Variants in STRN3 observed in about 807,000 individuals in gnomAD.
STRN3 encodes the protein striatin-3.
STRN3 carries 29 observed loss-of-function variants against 95.6 expected under a neutral mutation model. That is an observed-to-expected ratio of 0.30 (90% CI 0.23 to 0.41). The LOEUF is 0.41. STRN3 is among the 10% of genes least tolerant of loss of function. The pLI, the probability that STRN3 is intolerant of heterozygous loss-of-function variation, is 1.00. For missense variants in STRN3, 890 were observed against 972.1 expected (o/e 0.92, Z 1.12); for synonymous variants, 331 against 357.6 (o/e 0.93, Z 0.84).
At chr14:31,021,649 A>G (rs1032907049) in intron 1 of STRN3, among the ~76,000 whole-genome samples, 4 of 152,248 alleles carry the variant, frequency 2.6e-5, no homozygotes, top group East Asian at 1.9e-4. Context: ...AAGAAAAGTG[A>G]TAAGTGGATG....
intron 1 of STRN3, among the ~76,000 whole-genome samples, chr14:30,978,291 G>T (rs764163157): frequency 2.3e-4 from 35 of 151,928 alleles, no homozygotes; most frequent in South Asian, 4.1e-4. Context: ...AACAAAGTAG[G>T]ATTTATTCCA....
At chr14:30,966,123 A>G (rs555080006) in intron 1 of STRN3, among the ~76,000 whole-genome samples, 3 of 152,042 alleles carry the variant, frequency 2.0e-5, no homozygotes, top group African/African-American at 7.2e-5. Flanking sequence ...TAATTAGCCA[A>G]TCGGAATTAG....
chr14:31,015,662 C>T lies in STRN3; in HGVS notation c.282+10242G>A, dbSNP rs904418862. On this transcript the variant is annotated intron_variant, in intron 1 of 17. Coordinates refer to ENST00000357479, the MANE Select transcript of STRN3 (RefSeq NM_001083893.2). The stretch of plus-strand genomic sequence containing the variant: ...TGCTGGGATTACAGGCATGAGCCAC[C>T]GTGCCCCCAGCCAACACCTTCAATT... Among the ~76,000 whole-genome samples the T allele has an allele frequency of 3.0e-4, 46 of 152,178 alleles. 1 individual carries two copies. Among genetic ancestry groups the T allele is most frequent in the Admixed American group, 2.9e-3 (44 of 15,272 alleles).
intron 1 of STRN3, among the ~76,000 whole-genome samples, chr14:30,983,178 T>C (rs896584562): frequency 2.0e-5 from 3 of 152,170 alleles, no homozygotes; most frequent in Admixed American, 1.3e-4. Context: ...GAAATGACCA[T>C]ATGTGTGCAA....
chr14:31,025,689 C>T, intron 1 of STRN3: 2 of 716,802 alleles, frequency 2.8e-6, no homozygotes, highest in South Asian at 1.9e-5. Flanking sequence ...GCCCGCACCG[C>T]GTAGCCAGTG....
chr14:30,970,787 T>C (rs1326527090), intron 1 of STRN3, among the ~76,000 whole-genome samples: 1 of 152,244 alleles, frequency 6.6e-6, no homozygotes, highest in Non-Finnish European at 1.5e-5. Flanking sequence ...AAGATGTAAA[T>C]GCCTGGTTGG....
intron 12 of STRN3, 151 bp from the exon 13 acceptor site, chr14:30,911,313 TTTTG>T (rs1896603192): frequency 1.1e-6 from 1 of 891,584 alleles, no homozygotes; most frequent in Non-Finnish European, 1.6e-6. Context: ...TTTTTTTTTT[TTTTG>T]GAGACAGGGT....
chr14:30,944,553 G>GTATATA (rs58426505), intron 5 of STRN3, among the ~76,000 whole-genome samples: 9 of 65,874 alleles, frequency 1.4e-4, no homozygotes, highest in African/African-American at 4.0e-4. Flanking sequence ...ATATATACAC[G>GTATATA]TATATATATA....
chr14:30,954,471 G>A (rs1366200747), intron 3 of STRN3, among the ~76,000 whole-genome samples: 6 of 151,994 alleles, frequency 3.9e-5, no homozygotes, highest in African/African-American at 1.5e-4. Flanking sequence ...TATATACTCT[G>A]ACATAAATAA....
intron 7 of STRN3, among the ~76,000 whole-genome samples, chr14:30,929,968 A>AAAAAAAACT (rs1878437721): frequency 8.2e-6 from 1 of 121,838 alleles, no homozygotes; most frequent in African/African-American, 2.8e-5. Context: ...AAAAAAAAAA[A>AAAAAAAACT]AAAAAAAAAA....
chr14:30,998,436 A>G (rs1324346431), intron 1 of STRN3, among the ~76,000 whole-genome samples: 1 of 152,212 alleles, frequency 6.6e-6, no homozygotes, highest in East Asian at 1.9e-4. Context: ...AGAAGGCCAT[A>G]CTCATGTAGC....
chr14:30,957,040 C>G (rs1455065354), intron 1 of STRN3, among the ~76,000 whole-genome samples: 1 of 152,102 alleles, frequency 6.6e-6, no homozygotes, highest in Non-Finnish European at 1.5e-5. Flanking sequence ...TGCCTGTAAT[C>G]CCAGCTACCC....
At chr14:30,951,435 T>A (rs2139127910) in intron 3 of STRN3, among the ~76,000 whole-genome samples, 1 of 152,218 alleles carries the variant, frequency 6.6e-6, no homozygotes, top group African/African-American at 2.4e-5. Context: ...TTTTGCCATA[T>A]TGCCCAATCT....
At chr14:30,978,219 A>G (rs1881209979) in intron 1 of STRN3, among the ~76,000 whole-genome samples, 1 of 152,230 alleles carries the variant, frequency 6.6e-6, no homozygotes, top group Non-Finnish European at 1.5e-5. Context: ...GGAAAACGAC[A>G]AACATATCTC....
chr14:30,965,267 A>G (rs1163959884), intron 1 of STRN3, among the ~76,000 whole-genome samples: 1 of 152,224 alleles, frequency 6.6e-6, no homozygotes, highest in Non-Finnish European at 1.5e-5. Context: ...GTTCTAAAGA[A>G]GACAGCAGGC....
At position 30,956,159 on chromosome 14, in the gene STRN3, C is replaced by T. The variant is rs1257306910; in HGVS notation, c.366G>A (p.Glu122=). 1.9e-6 allele frequency: 3 copies of T among 1,613,832 alleles called. No homozygotes were observed. Among genetic ancestry groups the T allele is most frequent in the Non-Finnish European group, 1.7e-6 (2 of 1,179,910 alleles). The change falls in exon 2 of 18, where the codon GAG becomes GAA. Residue 122 remains glutamate (E), a synonymous_variant. Transcript: ENST00000357479. ...CATACCTTTCTTGTTTTAATGCATA[C>T]TCTAACATCTTTATTCTTCTTACTA... ...KDLVRRIKML[E]YALKQERAKY...
chr14:30,917,360 T>C (rs765883006), intron 9 of STRN3, among the ~76,000 whole-genome samples: 14 of 152,190 alleles, frequency 9.2e-5, no homozygotes, highest in Non-Finnish European at 1.8e-4. Flanking sequence ...AGAGTGTGCC[T>C]TGACTGGCTT....
intron 14 of STRN3, 79 bp from the exon 15 acceptor site, chr14:30,905,637 T>C: frequency 6.8e-7 from 1 of 1,474,264 alleles, no homozygotes; most frequent in Non-Finnish European, 9.1e-7. Flanking sequence ...TCTCTGTTTT[T>C]CTAATCAGAA....
At chr14:31,000,132 G>A (rs919572226) in intron 1 of STRN3, among the ~76,000 whole-genome samples, 1 of 151,288 alleles carries the variant, frequency 6.6e-6, no homozygotes, top group Non-Finnish European at 1.5e-5. Context: ...ACTAAAGGGA[G>A]TCTTTCAGGC....
Sources: allele counts gnomAD v4.1 joint callset (sites outside exome capture counted in the v4.1 genomes callset), GRCh38; gene constraint gnomAD v4.1.1; transcripts MANE v1.5; gene names NCBI Gene and HGNC (gene_info 2026-07-23, HGNC 2026-07-21).